DKK3: variants seen among roughly 807,000 people sequenced by gnomAD.
DKK3 encodes dickkopf-related protein 3.
In DKK3, 22 loss-of-function variants were observed where a neutral mutation model predicts 33.2. The ratio of observed to expected loss-of-function variants is 0.66; its 90% CI spans 0.47 to 0.95. The LOEUF (loss-of-function observed/expected upper bound fraction) is 0.95, where lower values mean the gene tolerates loss of function less well. DKK3 is among the 40% of genes least tolerant of loss of function. The pLI is 0.00. For missense variants in DKK3, 398 were observed against 458.4 expected (o/e 0.87, Z 1.20); for synonymous variants, 194 against 188.8 (o/e 1.03, Z -0.23).
intron 3 of DKK3, among the ~76,000 whole-genome samples, chr11:11,981,997 G>A (rs1165819034): frequency 1.3e-5 from 2 of 152,076 alleles, no homozygotes; most frequent in African/African-American, 2.4e-5. Flanking sequence ...TGCTGCAGGT[G>A]CTCCCCATGG....
At chr11:11,964,821 C>A in intron 6 of DKK3, 135 bp from the exon 7 acceptor site, 1 of 1,450,184 alleles carries the variant, frequency 6.9e-7, no homozygotes, top group Non-Finnish European at 9.2e-7. Context: ...AACAGAGACA[C>A]TTCACTTCCC....
chr11:12,000,214 T>C (rs1410083402), intron 2 of DKK3, among the ~76,000 whole-genome samples: 3 of 143,918 alleles, frequency 2.1e-5, no homozygotes, highest in East Asian at 2.0e-4. Context: ...GTTTGTTTGT[T>C]TGTCTTTTGA....
In DKK3 at chr11:12,008,623, A is replaced by G. The variant is rs562429192; in HGVS notation, c.-41T>C. 2.4e-3 allele frequency: 3,221 copies of G among 1,353,078 alleles called. 5 individuals carry two copies. The highest frequency in any genetic ancestry group is 2.7e-3 in the Non-Finnish European group (2,903 of 1,061,936). 83.8% of individuals were successfully genotyped at this position (1,353,078 alleles called of 1,614,324 possible). Reference sequence around the variant, plus strand: ...GCAGCCGCCGCCTGTGTGTCCCGGAACGCGATCAGAGGCGCGCGGACCACC... The same window carrying G: ...GCAGCCGCCGCCTGTGTGTCCCGGAGCGCGATCAGAGGCGCGCGGACCACC... On this transcript the variant is annotated 5_prime_UTR_variant, in exon 1 of 7. Coordinates refer to ENST00000683431, the MANE Select transcript of DKK3 (RefSeq NM_001018057.2). This position sits in a 1 kb window ranked among gnomAD's most constrained non-coding sequence, Gnocchi z 4.6.
chr11:11,990,687 G>T (rs1335657143), intron 3 of DKK3, among the ~76,000 whole-genome samples: 1 of 152,146 alleles, frequency 6.6e-6, no homozygotes, highest in African/African-American at 2.4e-5. Flanking sequence ...TTTACTTGCT[G>T]CTCCCCCACG....
chr11:11,991,102 T>A (rs1384363181), intron 3 of DKK3, among the ~76,000 whole-genome samples: 1 of 152,214 alleles, frequency 6.6e-6, no homozygotes, highest in Non-Finnish European at 1.5e-5. Flanking sequence ...ATGCTGCACA[T>A]GCATTGGGTT....
chr11:11,991,424 G>A (rs1207448734), intron 3 of DKK3, among the ~76,000 whole-genome samples: 1 of 152,070 alleles, frequency 6.6e-6, no homozygotes, highest in Non-Finnish European at 1.5e-5. Flanking sequence ...CATGTGTTCT[G>A]ATTGTTAAAA....
chr11:11,970,146 C>T (rs1425883503), intron 3 of DKK3, among the ~76,000 whole-genome samples: 4 of 152,136 alleles, frequency 2.6e-5, no homozygotes, highest in Non-Finnish European at 5.9e-5. Context: ...GGAGGGACGA[C>T]ATTTGGGAGA....
chr11:11,977,956 T>C (rs3750936), intron 3 of DKK3, among the ~76,000 whole-genome samples: 46,454 of 152,128 alleles, frequency 0.31, 10,127 homozygotes, highest in African/African-American at 0.63. Context: ...TTGTCAGATT[T>C]AGCAAATAAA....
rs1294831118 is a variant in DKK3, at chr11:11,965,866, G to A, written c.773C>T (p.Pro258Leu). Residue 258 changes from proline to leucine, a missense_variant, in exon 6 of 7, where the codon CCT becomes CTT. Transcript: ENST00000683431. The part of the protein sequence containing the change: ...LLDLITWELE[P>L]DGALDRCPCA... ...AGGGCATCGGTCCAAGGCTCCATCAGGCTCTAGCTCCCAGGTGATGAGGTC... is the reference window on the plus strand; with the variant it reads ...AGGGCATCGGTCCAAGGCTCCATCAAGCTCTAGCTCCCAGGTGATGAGGTC... 1.2e-6 allele frequency: 2 copies of A among 1,614,082 alleles called. No homozygotes were observed. The highest frequency in any genetic ancestry group is 2.2e-5 in the East Asian group (1 of 44,886).
intron 3 of DKK3, among the ~76,000 whole-genome samples, chr11:11,988,911 T>C (rs1179915551): frequency 6.6e-6 from 1 of 152,218 alleles, no homozygotes; most frequent in African/African-American, 2.4e-5. Context: ...CCTGAGACTA[T>C]GGCTGCCACA....
In DKK3 at chr11:11,967,607, G is replaced by C. The variant is rs985846850; in HGVS notation, c.529-509C>G. Among the ~76,000 whole-genome samples the C allele has an allele frequency of 5.3e-5, 8 of 152,238 alleles. No individual in the cohort carries two copies. In the East Asian group the frequency reaches 5.8e-4, roughly 11 times the overall value. Reference sequence around the variant, plus strand: ...CGGTACCGAGTGGGGTTGGCTGCGAGGTGCAACAGCAGTGGCCTCACCACA... The same window carrying C: ...CGGTACCGAGTGGGGTTGGCTGCGACGTGCAACAGCAGTGGCCTCACCACA... On this transcript the variant is annotated intron_variant, in intron 4 of 6. Coordinates refer to ENST00000683431, the MANE Select transcript of DKK3 (RefSeq NM_001018057.2).
chr11:12,008,651 C>T (rs376083603), upstream of DKK3: 4 of 1,270,460 alleles, frequency 3.1e-6, no homozygotes, highest in South Asian at 5.9e-5. This position sits in a 1 kb window ranked among gnomAD's most constrained non-coding sequence, Gnocchi z 4.6. Context: ...GGACCACCCC[C>T]CTCGCTGGGC....
chr11:12,003,639 C>T (rs987940032), intron 1 of DKK3, among the ~76,000 whole-genome samples: 23 of 152,140 alleles, frequency 1.5e-4, no homozygotes, highest in Non-Finnish European at 2.8e-4. Flanking sequence ...CAATCAGATA[C>T]TCTCTCTAGG....
chr11:11,968,564 C>T (rs771247915), intron 3 of DKK3, 77 bp from the exon 4 acceptor site: 201 of 1,404,316 alleles, frequency 1.4e-4, no homozygotes, highest in Non-Finnish European at 1.9e-4. Context: ...AAGGGCCAGG[C>T]CCGCTTCCAT....
chr11:11,985,508 G>A (rs1848051779), intron 3 of DKK3, among the ~76,000 whole-genome samples: 1 of 152,328 alleles, frequency 6.6e-6, no homozygotes, highest in South Asian at 2.1e-4. Context: ...GCATGTACCA[G>A]ACATTCCATT....
chr11:12,001,828 T>G (rs777242414), intron 2 of DKK3: 1 of 152,478 alleles, frequency 6.6e-6, no homozygotes, highest in African/African-American at 2.4e-5. Flanking sequence ...TTTGTAGCAA[T>G]AGAGGGTTTC....
At position 11,964,413 on chromosome 11, in the gene DKK3, G is replaced by A. The variant is rs746697386; in HGVS notation, c.*51C>T. ...CCCACGCCTAAAGCACACACCTGGG[G>A]AAATAAATTAGCTATTTCTATTGCA... is the stretch of plus-strand genomic sequence containing the variant. On this transcript the variant is annotated 3_prime_UTR_variant, in exon 7 of 7. Transcript: ENST00000683431. The A allele has an allele frequency of 7.7e-5, 122 of 1,589,228 alleles. 3 individuals carry two copies. In the South Asian group the frequency reaches 1.2e-3, roughly 16 times the overall value.
intron 6 of DKK3, 108 bp from the exon 7 acceptor site, chr11:11,964,794 T>G: frequency 6.6e-7 from 1 of 1,518,240 alleles, no homozygotes; most frequent in Non-Finnish European, 8.8e-7. Context: ...TCATGCCCCC[T>G]CCTCTCCTGT....
At chr11:12,007,223 C>A (rs913439185) in intron 1 of DKK3, among the ~76,000 whole-genome samples, 1 of 152,188 alleles carries the variant, frequency 6.6e-6, no homozygotes, top group African/African-American at 2.4e-5. Context: ...CCCCTGGAGA[C>A]AAGGGCCAGC....
Sources: gnomAD v4.1 joint callset for allele counts (sites outside exome capture counted in the v4.1 genomes callset) on GRCh38, gnomAD v4.1.1 for gene constraint, Gnocchi (gnomAD v3.1) non-coding constraint, MANE v1.5 for transcripts, NCBI Gene and HGNC (gene_info 2026-07-23, HGNC 2026-07-21) for gene names.